Variants in MTCL3 observed in about 807,000 individuals in gnomAD.
MTCL3 encodes microtubule cross-linking factor 3.
chr6:127,484,412 G>A, the MTCL3 span, among the ~76,000 whole-genome samples: 20 of 152,056 alleles, frequency 1.3e-4, 1 homozygote, highest in Non-Finnish European at 7.4e-5. Flanking sequence ...AAAGCTTGGG[G>A]ACTGACTCAC....
At chr6:127,497,918 C>T in the MTCL3 span, among the ~76,000 whole-genome samples, 1 of 152,002 alleles carries the variant, frequency 6.6e-6, no homozygotes, top group Non-Finnish European at 1.5e-5. Flanking sequence ...TTTAGACTCC[C>T]GACTCACTCT....
the MTCL3 span, among the ~76,000 whole-genome samples, chr6:127,474,186 T>C: frequency 6.6e-6 from 1 of 152,230 alleles, no homozygotes; most frequent in East Asian, 1.9e-4. Context: ...CATTTGTTCC[T>C]TTCCAGGGGG....
chr6:127,516,085 C>G, the MTCL3 span: 1 of 1,501,970 alleles, frequency 6.7e-7, no homozygotes, highest in Non-Finnish European at 8.8e-7. Flanking sequence ...GGAGCCGCCG[C>G]CGGCTCCTCC....
chr6:127,499,865 C>T, the MTCL3 span, among the ~76,000 whole-genome samples: 252 of 152,230 alleles, frequency 1.7e-3, no homozygotes, highest in Non-Finnish European at 1.2e-3. Flanking sequence ...TATTTCCCCT[C>T]ACTACCTTTC....
At chr6:127,475,415 G>T in the MTCL3 span, 1 of 1,613,270 alleles carries the variant, frequency 6.2e-7, no homozygotes. The surrounding 1 kb of genome is among the most constrained non-coding windows in gnomAD (Gnocchi z 7.3). Context: ...ATGCGGTAGA[G>T]CAGCTCGTGC....
At chr6:127,483,455 C>T in the MTCL3 span, among the ~76,000 whole-genome samples, 1 of 152,172 alleles carries the variant, frequency 6.6e-6, no homozygotes, top group Non-Finnish European at 1.5e-5. Context: ...CCACACATCA[C>T]CCCCTTGCTC....
the MTCL3 span, among the ~76,000 whole-genome samples, chr6:127,481,770 T>C: frequency 6.6e-6 from 1 of 152,136 alleles, no homozygotes; most frequent in Non-Finnish European, 1.5e-5. Context: ...ACATCTTGAA[T>C]AGGAGCTGGG....
At chr6:127,475,252 A>C in the MTCL3 span, 12 of 1,544,656 alleles carry the variant, frequency 7.8e-6, no homozygotes, top group Non-Finnish European at 1.1e-5. This position sits in a 1 kb window ranked among gnomAD's most constrained non-coding sequence, Gnocchi z 7.3. Context: ...TCCACGGGCC[A>C]GCCTGGCCAC....
At chr6:127,484,208 T>A in the MTCL3 span, among the ~76,000 whole-genome samples, 1 of 152,176 alleles carries the variant, frequency 6.6e-6, no homozygotes, top group South Asian at 2.1e-4. Context: ...ACATGTTAAT[T>A]TCTAACCCAT....
the MTCL3 span, among the ~76,000 whole-genome samples, chr6:127,492,741 C>T: frequency 6.6e-6 from 1 of 152,132 alleles, no homozygotes; most frequent in Admixed American, 6.6e-5. Context: ...CCAGGGTGGT[C>T]TCAATCTCAT....
At chr6:127,505,177 T>C in the MTCL3 span, among the ~76,000 whole-genome samples, 4 of 152,230 alleles carry the variant, frequency 2.6e-5, no homozygotes, top group Admixed American at 1.3e-4. Flanking sequence ...CAGTTGTAAT[T>C]TCTACAGCGC....
the MTCL3 span, chr6:127,515,971 G>A: frequency 1.2e-6 from 2 of 1,601,992 alleles, no homozygotes; most frequent in South Asian, 1.1e-5. This position sits in a 1 kb window ranked among gnomAD's most constrained non-coding sequence, Gnocchi z 4.3. Flanking sequence ...TGGAGAAGGG[G>A]AGGCCCCCTC....
chr6:127,487,282 C>T, the MTCL3 span, among the ~76,000 whole-genome samples: 1 of 152,142 alleles, frequency 6.6e-6, no homozygotes, highest in Non-Finnish European at 1.5e-5. Context: ...TGAGCATATC[C>T]TTTATGGTAA....
At chr6:127,476,016 G>C in the MTCL3 span, 1 of 1,611,180 alleles carries the variant, frequency 6.2e-7, no homozygotes, top group Non-Finnish European at 8.5e-7. This position sits in a 1 kb window ranked among gnomAD's most constrained non-coding sequence, Gnocchi z 4.4. Context: ...TGATGCGCTT[G>C]TTCTGCTCCT....
At chr6:127,508,834 T>C in the MTCL3 span, among the ~76,000 whole-genome samples, 2 of 152,182 alleles carry the variant, frequency 1.3e-5, no homozygotes, top group Admixed American at 6.5e-5. Flanking sequence ...GCTTTGAAAA[T>C]AAAGTTCACT....
the MTCL3 span, among the ~76,000 whole-genome samples, chr6:127,489,905 G>T: frequency 1.3e-5 from 2 of 152,184 alleles, no homozygotes; most frequent in Admixed American, 6.5e-5. Context: ...GGTGAAGGTG[G>T]CTACACTAAA....
At chr6:127,515,885 C>G in the MTCL3 span, 4 of 1,611,920 alleles carry the variant, frequency 2.5e-6, no homozygotes, top group Non-Finnish European at 2.5e-6. This position sits in a 1 kb window ranked among gnomAD's most constrained non-coding sequence, Gnocchi z 4.3. Context: ...CCTCCACCAC[C>G]GCTGCCGCCC....
chr6:127,509,153 A>G, the MTCL3 span, among the ~76,000 whole-genome samples: 3 of 152,258 alleles, frequency 2.0e-5, no homozygotes, highest in Non-Finnish European at 4.4e-5. Flanking sequence ...AATTGGGATG[A>G]CAATGCTATT....
the MTCL3 span, chr6:127,473,424 GTTAA>G: frequency 7.0e-7 from 1 of 1,429,486 alleles, no homozygotes; most frequent in Non-Finnish European, 9.4e-7. Flanking sequence ...AAAGAGAAGA[GTTAA>G]TTAATAATAA....
Sources: allele counts gnomAD v4.1 joint callset (sites outside exome capture counted in the v4.1 genomes callset), GRCh38; gene constraint gnomAD v4.1.1; non-coding constraint Gnocchi (gnomAD v3.1); transcripts MANE v1.5; gene names NCBI Gene and HGNC (gene_info 2026-07-23, HGNC 2026-07-21).